CACNA2D3: variants seen among roughly 807,000 people sequenced by gnomAD.
CACNA2D3 encodes calcium voltage-gated channel auxiliary subunit alpha2delta 3.
CACNA2D3 carries 60 observed loss-of-function variants against 160.6 expected under a neutral mutation model. The ratio of observed to expected loss-of-function variants is 0.37; its 90% CI spans 0.30 to 0.46. The LOEUF (loss-of-function observed/expected upper bound fraction) is 0.46. Among genes scored for constraint, CACNA2D3 ranks in the 20% least tolerant of loss-of-function variants. The pLI is 1.00. For synonymous variants in CACNA2D3, 558 were observed against 492.9 expected (o/e 1.13, Z -1.75); for missense variants, 1,205 against 1,365.0 (o/e 0.88, Z 1.85).
At chr3:54,647,643 GAC>G (rs1559538485) in intron 11 of CACNA2D3, among the ~76,000 whole-genome samples, 1 of 152,214 alleles carries the variant, frequency 6.6e-6, no homozygotes, top group African/African-American at 2.4e-5. Context: ...TTGGGGAACA[GAC>G]CAGGGGGGGC....
chr3:54,357,897 T>C (rs752948960), intron 3 of CACNA2D3, among the ~76,000 whole-genome samples: 3 of 152,146 alleles, frequency 2.0e-5, no homozygotes, highest in Non-Finnish European at 4.4e-5. Context: ...AGATCAGTGG[T>C]GTCCAGGGGT....
intron 2 of CACNA2D3, among the ~76,000 whole-genome samples, chr3:54,244,448 T>G (rs1198131618): frequency 6.6e-6 from 1 of 152,228 alleles, no homozygotes; most frequent in African/African-American, 2.4e-5. Flanking sequence ...AATGCCTTAT[T>G]AGCTTTAAAA....
At chr3:54,987,887 C>G (rs1016369618) in intron 31 of CACNA2D3, 134 bp downstream of exon 31, 3 of 607,798 alleles carry the variant, frequency 4.9e-6, no homozygotes, top group East Asian at 2.9e-5. Context: ...TCCAAAAGAT[C>G]TCTCTGAAAT....
chr3:54,938,930 T>G (rs1451153019), intron 27 of CACNA2D3, among the ~76,000 whole-genome samples: 1 of 152,112 alleles, frequency 6.6e-6, no homozygotes, highest in Non-Finnish European at 1.5e-5. Flanking sequence ...GGAGAGCATG[T>G]GCATTGGCCT....
intron 2 of CACNA2D3, among the ~76,000 whole-genome samples, chr3:54,135,526 G>T (rs1699799319): frequency 6.6e-6 from 1 of 152,214 alleles, no homozygotes; most frequent in South Asian, 2.1e-4. Flanking sequence ...TGGATTTAAT[G>T]GGGGGCAGTT....
chr3:54,170,066 T>C (rs1265430572), intron 2 of CACNA2D3, among the ~76,000 whole-genome samples: 1 of 151,718 alleles, frequency 6.6e-6, no homozygotes, highest in East Asian at 1.9e-4. Flanking sequence ...TGGGCATCTG[T>C]AATCCCAGCT....
chr3:54,241,686 A>G (rs888354762), intron 2 of CACNA2D3, among the ~76,000 whole-genome samples: 6 of 152,108 alleles, frequency 3.9e-5, no homozygotes, highest in African/African-American at 1.4e-4. Context: ...GACTGGCAAT[A>G]TCAGGGAAGC....
chr3:54,775,924 CTTCCTTT>C (rs1702416776), intron 13 of CACNA2D3, among the ~76,000 whole-genome samples: 1 of 152,182 alleles, frequency 6.6e-6, no homozygotes, highest in Non-Finnish European at 1.5e-5. Flanking sequence ...TTTCTTCCTT[CTTCCTTT>C]GTTCTTTTTT....
rs903757164 is a variant in CACNA2D3, at chr3:54,423,720, T to C, written c.381+36946T>C. 2.0e-5 allele frequency among the ~76,000 whole-genome samples: 3 copies of C among 152,168 alleles called. No homozygotes were observed. The East Asian group carries it at 5.8e-4, about 29-fold the overall frequency. On this transcript the variant is annotated intron_variant, in intron 4 of 37. Coordinates refer to ENST00000474759, the MANE Select transcript of CACNA2D3 (RefSeq NM_018398.3). Reference sequence around the variant, plus strand: ...TCTGAGTAAAAAGTGCCTTAGCCTGTGTCAGAGTGGGGATTCCATCCTTTC... The same window carrying C: ...TCTGAGTAAAAAGTGCCTTAGCCTGCGTCAGAGTGGGGATTCCATCCTTTC...
At chr3:54,990,356 C>T (rs980720390) in intron 31 of CACNA2D3, among the ~76,000 whole-genome samples, 3 of 152,156 alleles carry the variant, frequency 2.0e-5, no homozygotes, top group African/African-American at 4.8e-5. Flanking sequence ...CAAGGTGAAA[C>T]GCTGTCTCTA....
chr3:54,323,047 C>T (rs945723597), intron 3 of CACNA2D3, among the ~76,000 whole-genome samples: 9 of 152,062 alleles, frequency 5.9e-5, no homozygotes, highest in African/African-American at 1.9e-4. Flanking sequence ...TCCCCACGCC[C>T]GTCTTTAAAG....
At chr3:54,860,387 A>G (rs1699265854) in intron 17 of CACNA2D3, among the ~76,000 whole-genome samples, 1 of 152,124 alleles carries the variant, frequency 6.6e-6, no homozygotes, top group Non-Finnish European at 1.5e-5. Context: ...CTAAGTCTCT[A>G]GCTGCACCCC....
chr3:54,202,518 A>G (rs976075543), intron 2 of CACNA2D3, among the ~76,000 whole-genome samples: 5 of 152,016 alleles, frequency 3.3e-5, no homozygotes, highest in Non-Finnish European at 7.4e-5. Flanking sequence ...TTCTTCCTTC[A>G]CTGTTTTTTA....
intron 4 of CACNA2D3, among the ~76,000 whole-genome samples, chr3:54,428,859 C>T (rs1159481249): frequency 1.7e-5 from 2 of 116,852 alleles, no homozygotes; most frequent in African/African-American, 2.6e-5. Flanking sequence ...TTCCTACATC[C>T]GATGAAGTTG....
intron 2 of CACNA2D3, among the ~76,000 whole-genome samples, chr3:54,190,716 T>C (rs1236147647): frequency 6.6e-6 from 1 of 152,188 alleles, no homozygotes; most frequent in Non-Finnish European, 1.5e-5. Context: ...CAATCTCTCC[T>C]TATAAGATTA....
chr3:54,455,373 G>C (rs1406773564), intron 4 of CACNA2D3, among the ~76,000 whole-genome samples: 1 of 151,986 alleles, frequency 6.6e-6, no homozygotes, highest in Non-Finnish European at 1.5e-5. Context: ...TTGGACATTT[G>C]TATGCCAGAT....
chr3:54,851,165 T>C (rs759448275), intron 17 of CACNA2D3, among the ~76,000 whole-genome samples: 1 of 152,250 alleles, frequency 6.6e-6, no homozygotes, highest in Non-Finnish European at 1.5e-5. Context: ...ACAGGAACTA[T>C]TCTAAGTGTT....
At chr3:54,223,651 C>G (rs188661602) in intron 2 of CACNA2D3, among the ~76,000 whole-genome samples, 3 of 152,040 alleles carry the variant, frequency 2.0e-5, no homozygotes, top group Admixed American at 6.6e-5. Flanking sequence ...GTCAGGAGTT[C>G]GAGACCAGCC....
At chr3:54,495,761 C>A (rs1020331162) in intron 4 of CACNA2D3, among the ~76,000 whole-genome samples, 2 of 152,226 alleles carry the variant, frequency 1.3e-5, no homozygotes, top group African/African-American at 2.4e-5. Flanking sequence ...AAACAAACAA[C>A]CAACCAGAGA....
Sources: allele counts gnomAD v4.1 joint callset (sites outside exome capture counted in the v4.1 genomes callset), GRCh38; gene constraint gnomAD v4.1.1; transcripts MANE v1.5; gene names NCBI Gene and HGNC (gene_info 2026-07-23, HGNC 2026-07-21).